The following C12orf54 variants were observed in gnomAD, a reference collection of about 807,000 sequenced individuals.
The protein encoded by C12orf54 is uncharacterized protein C12orf54.
C12orf54 carries 24 observed loss-of-function variants against 26.4 expected under a neutral mutation model. That is an observed-to-expected ratio of 0.91 (90% CI 0.66 to 1.28). C12orf54 has a LOEUF of 1.28. Ranked by LOEUF, C12orf54 falls within the 50% of genes most tolerant of loss-of-function variation. The pLI is 0.00. For synonymous variants in C12orf54, 54 were observed against 47.0 expected (o/e 1.15, Z -0.61); for missense variants, 154 against 150.9 (o/e 1.02, Z -0.11).
the C12orf54 span, among the ~76,000 whole-genome samples, chr12:48,457,121 C>G: frequency 1.3e-5 from 2 of 151,960 alleles, no homozygotes; most frequent in African/African-American, 4.8e-5. Flanking sequence ...ATGTCCCCAG[C>G]ACATCGTGGG....
chr12:48,470,112 T>C, the C12orf54 span, among the ~76,000 whole-genome samples: 2 of 152,358 alleles, frequency 1.3e-5, no homozygotes, highest in East Asian at 3.9e-4. Context: ...GCACCTAGGT[T>C]GATTCCATGT....
At chr12:48,432,157 C>T in the C12orf54 span, among the ~76,000 whole-genome samples, 6 of 152,172 alleles carry the variant, frequency 3.9e-5, no homozygotes, top group Non-Finnish European at 8.8e-5. Context: ...AAAAACAGAA[C>T]ATGCACTGAT....
the C12orf54 span, among the ~76,000 whole-genome samples, chr12:48,456,416 T>C: frequency 6.6e-6 from 1 of 152,178 alleles, no homozygotes; most frequent in Non-Finnish European, 1.5e-5. Flanking sequence ...CCCTGCCTTA[T>C]CTAGAGAAGC....
the C12orf54 span, chr12:48,472,569 C>A: frequency 2.1e-6 from 3 of 1,448,520 alleles, no homozygotes; most frequent in Non-Finnish European, 2.8e-6. Context: ...GAGAACCCAG[C>A]AGAGCTGGTT....
chr12:48,458,286 T>G, the C12orf54 span, among the ~76,000 whole-genome samples: 7 of 152,206 alleles, frequency 4.6e-5, no homozygotes, highest in Non-Finnish European at 1.0e-4. Context: ...TAGAGAATAT[T>G]TGTTGATTGG....
chr12:48,462,096 A>G, the C12orf54 span, among the ~76,000 whole-genome samples: 4 of 151,572 alleles, frequency 2.6e-5, no homozygotes, highest in African/African-American at 9.7e-5. Flanking sequence ...GAAAAAACTA[A>G]TAAGGGAATT....
chr12:48,429,862 G>A, the C12orf54 span, among the ~76,000 whole-genome samples: 1 of 152,082 alleles, frequency 6.6e-6, no homozygotes, highest in South Asian at 2.1e-4. Context: ...GCCAAAGCAA[G>A]TCTAAGCAAA....
the C12orf54 span, among the ~76,000 whole-genome samples, chr12:48,439,465 A>G: frequency 6.6e-6 from 1 of 152,270 alleles, no homozygotes; most frequent in Non-Finnish European, 1.5e-5. Flanking sequence ...TTATTGCAGC[A>G]CTATTCACAA....
At chr12:48,443,468 G>A in the C12orf54 span, among the ~76,000 whole-genome samples, 65 of 152,254 alleles carry the variant, frequency 4.3e-4, no homozygotes, top group African/African-American at 1.5e-3. Flanking sequence ...ACTTAAGTGA[G>A]GTCAGTCATG....
intron 5 of C12orf54, 153 bp downstream of exon 5, chr12:48,489,109 T>A: frequency 1.2e-6 from 1 of 830,052 alleles, no homozygotes; most frequent in Non-Finnish European, 2.1e-6. Context: ...ACCACTGACT[T>A]GTCAGTCCAG....
At chr12:48,448,840 C>T in the C12orf54 span, among the ~76,000 whole-genome samples, 1 of 152,160 alleles carries the variant, frequency 6.6e-6, no homozygotes, top group Non-Finnish European at 1.5e-5. Context: ...CATGACACAG[C>T]CCTCAGGGGA....
At chr12:48,419,306 C>A in the C12orf54 span, among the ~76,000 whole-genome samples, 1 of 152,146 alleles carries the variant, frequency 6.6e-6, no homozygotes, top group South Asian at 2.1e-4. Flanking sequence ...CTTACTAGCT[C>A]TATGATCTTT....
At chr12:48,439,751 G>A in the C12orf54 span, among the ~76,000 whole-genome samples, 9 of 152,236 alleles carry the variant, frequency 5.9e-5, no homozygotes, top group African/African-American at 2.2e-4. Context: ...CTGTTGTGGG[G>A]TGGTGGGAGT....
the C12orf54 span, chr12:48,441,979 C>T: frequency 3.3e-5 from 5 of 152,220 alleles, no homozygotes; most frequent in African/African-American, 7.2e-5. Flanking sequence ...CTGCTTGTTG[C>T]AGTTCTATCC....
chr12:48,479,260 G>A, upstream of C12orf54, among the ~76,000 whole-genome samples: 1 of 152,002 alleles, frequency 6.6e-6, no homozygotes. Context: ...ACTATCACAA[G>A]GACAAAAAAC....
At chr12:48,436,092 A>T in the C12orf54 span, among the ~76,000 whole-genome samples, 1 of 152,226 alleles carries the variant, frequency 6.6e-6, no homozygotes, top group African/African-American at 2.4e-5. Flanking sequence ...AAACAAAAAA[A>T]GGCAAGGGTT....
chr12:48,475,171 C>A, the C12orf54 span, among the ~76,000 whole-genome samples: 1 of 152,200 alleles, frequency 6.6e-6, no homozygotes, highest in Non-Finnish European at 1.5e-5. Context: ...CTCCAACAGA[C>A]CTGCAGCTGA....
At chr12:48,449,819 A>T in the C12orf54 span, among the ~76,000 whole-genome samples, 1 of 151,000 alleles carries the variant, frequency 6.6e-6, no homozygotes. Context: ...CCAAATCTCA[A>T]CTATGTCCCC....
chr12:48,446,063 G>A, the C12orf54 span, among the ~76,000 whole-genome samples: 2 of 152,214 alleles, frequency 1.3e-5, no homozygotes, highest in African/African-American at 2.4e-5. Context: ...TGAAAGGACA[G>A]ACGGAAAACA....
Sources: allele counts gnomAD v4.1 joint callset (sites outside exome capture counted in the v4.1 genomes callset), GRCh38; gene constraint gnomAD v4.1.1; transcripts MANE v1.5; gene names NCBI Gene and HGNC (gene_info 2026-07-23, HGNC 2026-07-21).